Variants in DOCK3 observed in about 807,000 individuals in gnomAD.
DOCK3 encodes dedicator of cytokinesis 3.
A neutral mutation model predicts 265.6 loss-of-function variants in DOCK3; 60 were observed. The observed-to-expected ratio is 0.23, with a 90% CI of 0.18 to 0.28. The LOEUF (loss-of-function observed/expected upper bound fraction) is 0.28, where lower values mean the gene tolerates loss of function less well. DOCK3 is among the 10% of genes least tolerant of loss of function. DOCK3 has a pLI of 1.00. For missense variants in DOCK3, 1,981 were observed against 2,594.3 expected (o/e 0.76, Z 5.14); for synonymous variants, 881 against 938.0 (o/e 0.94, Z 1.11).
chr3:51,337,746 A>G (rs1282369147), intron 35 of DOCK3, among the ~76,000 whole-genome samples: 1 of 152,064 alleles, frequency 6.6e-6, no homozygotes, highest in Non-Finnish European at 1.5e-5. Context: ...CCTATCTCTC[A>G]CAGGCCATCC....
chr3:51,336,452 C>T (rs2084883315), intron 35 of DOCK3, among the ~76,000 whole-genome samples: 1 of 152,042 alleles, frequency 6.6e-6, no homozygotes, highest in African/African-American at 2.4e-5. Context: ...TGAAGCCTTC[C>T]TTTCCCAGGC....
At chr3:51,179,189 C>T (rs1157908068) in intron 12 of DOCK3, among the ~76,000 whole-genome samples, 2 of 152,140 alleles carry the variant, frequency 1.3e-5, no homozygotes, top group Admixed American at 1.3e-4. Context: ...GAAACATTTA[C>T]AAAAATTGTT....
chr3:51,098,335 G>A (rs569384067), intron 9 of DOCK3, among the ~76,000 whole-genome samples: 3 of 152,214 alleles, frequency 2.0e-5, no homozygotes, highest in Admixed American at 6.5e-5. Flanking sequence ...GATTACAGGT[G>A]TGAGCCACTG....
chr3:50,958,219 G>A (rs969142758), intron 5 of DOCK3, among the ~76,000 whole-genome samples: 5 of 152,066 alleles, frequency 3.3e-5, no homozygotes, highest in African/African-American at 4.8e-5. Context: ...CTCAGAAGTC[G>A]TCCTTGACTG....
At chr3:51,338,658 C>CACTA (rs766277490) in intron 36 of DOCK3, among the ~76,000 whole-genome samples, 6 of 152,234 alleles carry the variant, frequency 3.9e-5, no homozygotes, top group Non-Finnish European at 8.8e-5. Context: ...GGCAAGGACC[C>CACTA]ACTAACCCTG....
Position 51,374,667 on chromosome 3 carries a change from C to A in DOCK3, c.5412+80C>A. The A allele has an allele frequency of 7.6e-7, 1 of 1,311,170 alleles. No homozygotes were observed. The highest frequency in any genetic ancestry group is 1.1e-6 in the Non-Finnish European group (1 of 930,532). 81.2% of individuals were successfully genotyped at this position (1,311,170 alleles called of 1,614,324 possible). ...TCCCTCCTTGCATTTGCGGGGCCTT[C>A]TGCATTGTCCTACATGGCTCTCTCA... On this transcript the variant is annotated intron_variant, in intron 50 of 52. Coordinates refer to ENST00000266037, the MANE Select transcript of DOCK3 (RefSeq NM_004947.5). The surrounding 1 kb of genome is among the most constrained non-coding windows in gnomAD (Gnocchi z 4.8).
At chr3:50,810,804 C>T (rs766404194) in intron 2 of DOCK3, among the ~76,000 whole-genome samples, 3 of 152,048 alleles carry the variant, frequency 2.0e-5, no homozygotes, top group Non-Finnish European at 4.4e-5. Context: ...GAAACCAGAA[C>T]AGTAGTTGCT....
chr3:50,872,320 A>C (rs1300435694), intron 3 of DOCK3, among the ~76,000 whole-genome samples: 1 of 152,242 alleles, frequency 6.6e-6, no homozygotes, highest in Non-Finnish European at 1.5e-5. Context: ...GGTCTTGGAC[A>C]ATATCTGGAA....
At chr3:51,134,382 C>T (rs2084701409) in intron 9 of DOCK3, among the ~76,000 whole-genome samples, 1 of 152,128 alleles carries the variant, frequency 6.6e-6, no homozygotes, top group Admixed American at 6.5e-5. Context: ...TTTATAATTA[C>T]TTGAGAATAT....
At chr3:50,686,212 G>A (rs1316234479) in intron 1 of DOCK3, among the ~76,000 whole-genome samples, 1 of 152,004 alleles carries the variant, frequency 6.6e-6, no homozygotes, top group African/African-American at 2.4e-5. Context: ...CCAGAAGTGT[G>A]TTGCTTATGT....
chr3:50,828,647 T>C (rs1445504433), intron 2 of DOCK3, among the ~76,000 whole-genome samples: 8 of 151,860 alleles, frequency 5.3e-5, no homozygotes, highest in Non-Finnish European at 1.5e-5. Flanking sequence ...TCAGGTGATC[T>C]GCCCGCCTTG....
rs1042399650 is a variant in DOCK3 at position 51,256,416 on chromosome 3, G to A, written c.2185-3740G>A. Reference sequence around the variant, plus strand: ...CTCCTGAGTAGCTGGGATTACAGGCGCATGCCACCATGCCCAGCTAATTTT... The same window carrying A: ...CTCCTGAGTAGCTGGGATTACAGGCACATGCCACCATGCCCAGCTAATTTT... On this transcript the variant is annotated intron_variant, in intron 22 of 52. Coordinates refer to ENST00000266037, the MANE Select transcript of DOCK3 (RefSeq NM_004947.5). Among the ~76,000 whole-genome samples, 11 of 151,918 alleles carry A rather than the reference G, an allele frequency of 7.2e-5. No individual in the cohort carries two copies. In the East Asian group the frequency reaches 1.9e-3, roughly 27 times the overall value.
In DOCK3 at chr3:50,945,917, A is replaced by C. The variant is rs140282196; in HGVS notation, c.315+11840A>C. On this transcript the variant is annotated intron_variant, in intron 5 of 52. Transcript: ENST00000266037. Reference sequence around the variant, plus strand: ...ATGGGACCCACATTCCAGGGTTGTCATGTTGTTTAAATGATATAAAAAGTT... The same window carrying C: ...ATGGGACCCACATTCCAGGGTTGTCCTGTTGTTTAAATGATATAAAAAGTT... 1.4e-3 allele frequency among the ~76,000 whole-genome samples: 216 copies of C among 152,004 alleles called. 5 individuals are homozygous for C. In the East Asian group the frequency reaches 0.033, roughly 23 times the overall value.
At chr3:51,114,563 T>C (rs954776375) in intron 9 of DOCK3, among the ~76,000 whole-genome samples, 2 of 152,182 alleles carry the variant, frequency 1.3e-5, no homozygotes, top group African/African-American at 2.4e-5. Flanking sequence ...TGTAGGAATA[T>C]AGAGGCAGAA....
At chr3:50,804,569 TCCA>T (rs1288143311) in intron 2 of DOCK3, among the ~76,000 whole-genome samples, 2 of 152,006 alleles carry the variant, frequency 1.3e-5, no homozygotes, top group Non-Finnish European at 2.9e-5. Context: ...AAACCCCATC[TCCA>T]CCAAAAATAT....
intron 3 of DOCK3, among the ~76,000 whole-genome samples, chr3:50,884,574 AT>A (rs1221788133): frequency 6.6e-6 from 1 of 151,726 alleles, no homozygotes; most frequent in Non-Finnish European, 1.5e-5. Flanking sequence ...TCTCTTGTCA[AT>A]TTTTTTCTTT....
intron 5 of DOCK3, among the ~76,000 whole-genome samples, chr3:51,060,472 G>A (rs2081372506): frequency 6.6e-6 from 1 of 152,146 alleles, no homozygotes; most frequent in Non-Finnish European, 1.5e-5. Context: ...CCTTGCCCAT[G>A]CCTGTGTCCT....
At chr3:50,713,219 C>T (rs1369938866) in intron 1 of DOCK3, among the ~76,000 whole-genome samples, 2 of 152,168 alleles carry the variant, frequency 1.3e-5, no homozygotes, top group Middle Eastern at 3.2e-3. Context: ...AGCTTAAAAC[C>T]ATTTGTGGTT....
rs147612595 is a variant in DOCK3, at chr3:50,869,223, C to A, written c.163-20803C>A. 6.2e-3 allele frequency among the ~76,000 whole-genome samples: 947 copies of A among 151,700 alleles called. 10 individuals carry two copies. Among genetic ancestry groups the A allele is most frequent in the African/African-American group, 0.02 (839 of 41,416 alleles). ...TCTCCTGACCTCATGATCTGCCCACCTTGGCCTCCCAAAGTATTGGGATTA... is the reference window on the plus strand; with the variant it reads ...TCTCCTGACCTCATGATCTGCCCACATTGGCCTCCCAAAGTATTGGGATTA... On this transcript the variant is annotated intron_variant, in intron 3 of 52. Transcript: ENST00000266037.
Sources: allele counts gnomAD v4.1 joint callset (sites outside exome capture counted in the v4.1 genomes callset), GRCh38; gene constraint gnomAD v4.1.1; non-coding constraint Gnocchi (gnomAD v3.1); transcripts MANE v1.5; gene names NCBI Gene and HGNC (gene_info 2026-07-23, HGNC 2026-07-21).